Variants in ZNF23 observed in about 807,000 individuals in gnomAD.
ZNF23 encodes zinc finger protein 23.
A neutral mutation model predicts 56.2 loss-of-function variants in ZNF23; 48 were observed. The ratio of observed to expected loss-of-function variants is 0.85; its 90% CI spans 0.68 to 1.09. The LOEUF is 1.09. Ranked by LOEUF, ZNF23 falls within the 50% of genes least tolerant of loss-of-function variation. The pLI, the probability that ZNF23 is intolerant of heterozygous loss-of-function variation, is 0.00. For missense variants in ZNF23, 805 were observed against 811.4 expected (o/e 0.99, Z 0.10); for synonymous variants, 266 against 283.3 (o/e 0.94, Z 0.61).
chr16:71,460,525 G>A (rs1054257274), intron 1 of ZNF23, among the ~76,000 whole-genome samples: 1 of 152,170 alleles, frequency 6.6e-6, no homozygotes, highest in African/African-American at 2.4e-5. Context: ...AACCGTAGCA[G>A]AGCACAGCAA....
chr16:71,454,078 C>T lies in ZNF23; in HGVS notation c.124G>A (p.Val42Met), dbSNP rs760713243. 1 of 1,614,170 alleles carries T rather than the reference C, an allele frequency of 6.2e-7. No individual in the cohort carries two copies. Among genetic ancestry groups the T allele is most frequent in the Non-Finnish European group, 8.5e-7 (1 of 1,180,020 alleles). Residue 42 changes from valine to methionine, a missense_variant, in exon 3 of 5, where the codon GTG becomes ATG. Val to Met is a conservative substitution (Grantham distance 21). Transcript: ENST00000647773. ...ACATTCCCATAATTCTCCAGCATCA[C>T]ATCCCTGTACAGGGTCCTCTGTGCA... ...SPAQRTLYRD[V>M]MLENYGNVAS...
At chr16:71,450,797 T>A (rs1266280198) in intron 4 of ZNF23, 4 of 365,624 alleles carry the variant, frequency 1.1e-5, no homozygotes, top group East Asian at 1.8e-4. Flanking sequence ...AATCACACCA[T>A]GCTTTTCTAC....
At chr16:71,456,404 C>G (rs887312262) in intron 2 of ZNF23, among the ~76,000 whole-genome samples, 1 of 152,166 alleles carries the variant, frequency 6.6e-6, no homozygotes, top group Non-Finnish European at 1.5e-5. Flanking sequence ...ATCCCCACCA[C>G]AGATAGTCCA....
Position 71,456,842 on chromosome 16 carries a change from C to G in ZNF23, c.-32-14G>C, listed in dbSNP as rs1449521066. The G allele has an allele frequency of 1.0e-6, 1 of 974,676 alleles. No individual in the cohort carries two copies. Among genetic ancestry groups the G allele is most frequent in the Non-Finnish European group, 1.2e-6 (1 of 819,840 alleles). The allele number at this position is 974,676 out of a possible 1,614,324, so 60.4% of individuals were successfully genotyped here. ...GAAGGGCTGGAGCTAAGGAGAAACA[C>G]AAAGAGAGACAAGTGTGAGGCAAGC... On this transcript the variant is annotated splice_polypyrimidine_tract_variant and intron_variant, in intron 1 of 4. Transcript: ENST00000647773.
chr16:71,454,139 C>A lies in ZNF23; in HGVS notation c.63G>T (p.Val21=), dbSNP rs755758345. ...CATCCCATTCCGCCTGGGTGAAGTA[C>A]ACAGCCACGTCCTCAAAGGTCACCG... ...QKSVTFEDVA[V]YFTQAEWDGL... The change falls in exon 3 of 5, where the codon GTG becomes GTT. Residue 21 remains valine, a synonymous_variant. Transcript: ENST00000647773. 6.2e-7 allele frequency: 1 copy of A among 1,613,960 alleles called. No homozygotes were observed. The highest frequency in any genetic ancestry group is 8.5e-7 in the Non-Finnish European group (1 of 1,179,956).
chr16:71,451,534 G>A (rs2043056009), intron 4 of ZNF23: 1 of 152,218 alleles, frequency 6.6e-6, no homozygotes, highest in Admixed American at 6.5e-5. Context: ...TGGGATTAAT[G>A]CCCTTAAAAA....
In ZNF23 at chr16:71,448,624, C is replaced by G. The variant is rs1451694890; in HGVS notation, c.1530G>C (p.Gln510His). The change falls in exon 5 of 5, where the codon CAG (glutamine) becomes CAC (histidine). Residue 510 changes from glutamine (Q) to histidine (H), a missense_variant. By Grantham distance (24) the Gln-to-His change is conservative (BLOSUM62 0). Coordinates refer to ENST00000647773, the MANE Select transcript of ZNF23 (RefSeq NM_001381984.1). ...FSVNGKLMRHQRIHTGEKPFE... is the reference protein window; with the variant it reads ...FSVNGKLMRHHRIHTGEKPFE... ...AAGGTTTCTCCCCAGTGTGAATTCT[C>G]TGATGCCGCATTAGTTTCCCATTAA... 6.2e-7 allele frequency: 1 copy of G among 1,614,096 alleles called. No homozygotes were observed. The highest frequency in any genetic ancestry group is 8.5e-7 in the Non-Finnish European group (1 of 1,180,052).
At chr16:71,451,871 C>T (rs561038137) in intron 4 of ZNF23, 3 of 152,348 alleles carry the variant, frequency 2.0e-5, no homozygotes, top group African/African-American at 7.2e-5. Context: ...CTCGTTTTCA[C>T]TTTCCTCTCT....
At position 71,449,704 on chromosome 16, in the gene ZNF23, A is replaced by G; in HGVS notation, c.450T>C (p.Asp150=). ...NIKKEKSNTI[D]GTVKDETSPV... Reference sequence around the variant, plus strand: ...GGCTTGTCTCATCTTTCACTGTTCCATCAATGGTGTTGCTCTTCTCCTTCT... The same window carrying G: ...GGCTTGTCTCATCTTTCACTGTTCCGTCAATGGTGTTGCTCTTCTCCTTCT... The change falls in exon 5 of 5, where the codon GAT becomes GAC. Residue 150 remains aspartate, a synonymous_variant. Transcript: ENST00000647773. 1.9e-6 allele frequency: 3 copies of G among 1,613,926 alleles called. No individual in the cohort carries two copies. The highest frequency in any genetic ancestry group is 2.5e-6 in the Non-Finnish European group (3 of 1,180,026).
intron 1 of ZNF23, among the ~76,000 whole-genome samples, chr16:71,457,672 C>G (rs530994507): frequency 6.6e-6 from 1 of 152,094 alleles, no homozygotes; most frequent in Admixed American, 6.5e-5. Context: ...CTGCAGTGAG[C>G]CAGTATCACA....
chr16:71,448,862 C>G lies in ZNF23; in HGVS notation c.1292G>C (p.Gly431Ala). The change falls in exon 5 of 5, where the codon GGT becomes GCT. Residue 431 changes from glycine to alanine, a missense_variant. Physicochemically the swap from Gly to Ala is moderately conservative, Grantham distance 60. Coordinates refer to ENST00000647773, the MANE Select transcript of ZNF23 (RefSeq NM_001381984.1). ...TTCAGTGCATTCATAGGGTTTCTCA[C>G]CTGTGTGGATTCTCTGATGCTGAAT... ...KLIQHQRIHT[G>A]EKPYECTECG... 1 of 1,614,230 alleles carries G rather than the reference C, an allele frequency of 6.2e-7. No individual in the cohort carries two copies. Among genetic ancestry groups the G allele is most frequent in the East Asian group, 2.2e-5 (1 of 44,888 alleles).
rs2042895057 is a variant in ZNF23, at chr16:71,447,601, T to A, written c.*492A>T. 6.6e-6 allele frequency: 1 copy of A among 152,462 alleles called. No homozygotes were observed. Among genetic ancestry groups the A allele is most frequent in the African/African-American group, 2.4e-5 (1 of 41,470 alleles). The allele number at this position is 152,462 out of a possible 1,614,324, so 9.4% of individuals were successfully genotyped here. On this transcript the variant is annotated 3_prime_UTR_variant, in exon 5 of 5. Transcript: ENST00000647773. ...AATTAAAAATGTACTCATACCTTTT[T>A]CCTTTTTTAAATAAATCTTTATTTT... is the stretch of plus-strand genomic sequence containing the variant.
intron 3 of ZNF23, 98 bp downstream of exon 3, chr16:71,453,944 A>G (rs2043137708): frequency 7.1e-7 from 1 of 1,402,388 alleles, no homozygotes; most frequent in Non-Finnish European, 1.0e-6. Context: ...CTCACTCAGT[A>G]AAGGATTACC....
Position 71,454,073 on chromosome 16 carries a change from C to T in ZNF23, c.129G>A (p.Met43Ile). 6.2e-7 allele frequency: 1 copy of T among 1,614,172 alleles called. No individual in the cohort carries two copies. The highest frequency in any genetic ancestry group is 8.5e-7 in the Non-Finnish European group (1 of 1,180,018). ...PAQRTLYRDV[M>I]LENYGNVASL... ...AGGCCACATTCCCATAATTCTCCAGCATCACATCCCTGTACAGGGTCCTCT... is the reference window on the plus strand; with the variant it reads ...AGGCCACATTCCCATAATTCTCCAGTATCACATCCCTGTACAGGGTCCTCT... The change falls in exon 3 of 5, where the codon ATG (methionine) becomes ATA (isoleucine). Residue 43 changes from methionine (M) to isoleucine (I), a missense_variant. Transcript: ENST00000647773.
At chr16:71,452,510 T>C (rs963678320) in intron 4 of ZNF23, 5 of 152,192 alleles carry the variant, frequency 3.3e-5, no homozygotes, top group African/African-American at 1.2e-4. Context: ...GGGAACTTCA[T>C]AGAAATGCAG....
chr16:71,455,365 T>C (rs1274798206), intron 2 of ZNF23, among the ~76,000 whole-genome samples: 1 of 152,106 alleles, frequency 6.6e-6, no homozygotes, highest in Non-Finnish European at 1.5e-5. Flanking sequence ...AAAGATTTTT[T>C]TTTTTCTTTG....
chr16:71,460,611 T>A (rs1380176847), intron 1 of ZNF23, among the ~76,000 whole-genome samples: 1 of 152,240 alleles, frequency 6.6e-6, no homozygotes, highest in South Asian at 2.1e-4. Context: ...CATTTATGAA[T>A]TCTAATGCAA....
chr16:71,456,261 C>G (rs115306706), intron 2 of ZNF23: 3,550 of 352,462 alleles, frequency 0.01, 115 homozygotes, highest in African/African-American at 0.07. Flanking sequence ...GCTTCACAAG[C>G]ACAATGAGAC....
At chr16:71,454,297 G>A in intron 2 of ZNF23, 129 bp from the exon 3 acceptor site, 4 of 1,253,126 alleles carry the variant, frequency 3.2e-6, no homozygotes, top group South Asian at 1.9e-5. Flanking sequence ...AACAACAAGG[G>A]GAAGATCTCA....
Sources: gnomAD v4.1 joint callset for allele counts (sites outside exome capture counted in the v4.1 genomes callset) on GRCh38, gnomAD v4.1.1 for gene constraint, MANE v1.5 for transcripts, NCBI Gene and HGNC (gene_info 2026-07-23, HGNC 2026-07-21) for gene names.